ABCA1: variants seen among roughly 807,000 people sequenced by gnomAD.
ABCA1 encodes the protein ATP binding cassette subfamily A member 1.
In ABCA1, 133 loss-of-function variants were observed where a neutral mutation model predicts 262.5. That is an observed-to-expected ratio of 0.51 (90% CI 0.44 to 0.59). The LOEUF (loss-of-function observed/expected upper bound fraction) is 0.59. Among genes scored for constraint, ABCA1 ranks in the 20% least tolerant of loss-of-function variants. ABCA1 has a pLI of 0.00. For missense variants in ABCA1, 2,452 were observed against 2,777.5 expected (o/e 0.88, Z 2.63); for synonymous variants, 1,022 against 1,043.5 (o/e 0.98, Z 0.40).
intron 9 of ABCA1, among the ~76,000 whole-genome samples, chr9:104,839,948 A>G (rs1019845556): frequency 6.6e-6 from 1 of 152,242 alleles, no homozygotes; most frequent in African/African-American, 2.4e-5. Context: ...GAGATCTTGC[A>G]GGATTTGTCC....
intron 1 of ABCA1, among the ~76,000 whole-genome samples, chr9:104,914,699 T>G (rs766735742): frequency 6.6e-6 from 1 of 152,026 alleles, no homozygotes; most frequent in South Asian, 2.1e-4. Context: ...CAATCACATG[T>G]AGAATGGAAG....
At chr9:104,896,976 C>CA (rs977807689) in intron 2 of ABCA1, among the ~76,000 whole-genome samples, 1 of 151,780 alleles carries the variant, frequency 6.6e-6, no homozygotes, top group African/African-American at 2.4e-5. Context: ...GCAATCCCCC[C>CA]ACCTCAGCCT....
chr9:104,786,940 G>T lies in ABCA1; in HGVS notation c.6241C>A (p.Arg2081=). ...PTTGMDPKAR[R]FLWNCALSVV... is the part of the protein sequence containing the mutation. ...CTTAGGGCACAATTCCACAAGAACC[G>T]CCGGGCTTTGGGATCCATGCCTGTG... is the stretch of plus-strand genomic sequence containing the variant. Residue 2081 remains arginine (R), a synonymous_variant, in exon 47 of 50, where the codon CGG becomes AGG. Transcript: ENST00000374736. 2 of 1,613,960 alleles carry T rather than the reference G, an allele frequency of 1.2e-6. No homozygotes were observed. Among genetic ancestry groups the T allele is most frequent in the South Asian group, 2.2e-5 (2 of 91,074 alleles).
At chr9:104,806,084 G>A (rs569543671) in intron 31 of ABCA1, among the ~76,000 whole-genome samples, 157 bp downstream of exon 31, 5 of 151,948 alleles carry the variant, frequency 3.3e-5, no homozygotes, top group East Asian at 1.9e-4. Flanking sequence ...CAGCCTGGGC[G>A]ACAGAGCAAG....
chr9:104,832,534 C>A (rs1254547174), intron 12 of ABCA1, 40 bp downstream of exon 12: 1 of 1,601,414 alleles, frequency 6.2e-7, no homozygotes, highest in Non-Finnish European at 8.6e-7. Context: ...GAGAAAGAAG[C>A]CGTTAAGTCT....
intron 20 of ABCA1, among the ~76,000 whole-genome samples, chr9:104,820,457 A>G (rs1564128755): frequency 6.6e-6 from 1 of 152,098 alleles, no homozygotes; most frequent in Non-Finnish European, 1.5e-5. Flanking sequence ...AGGGGACCTC[A>G]GGCTCTGAAA....
At chr9:104,883,333 TC>T (rs1838855898) in intron 4 of ABCA1, among the ~76,000 whole-genome samples, 176 bp from the exon 5 acceptor site, 1 of 150,654 alleles carries the variant, frequency 6.6e-6, no homozygotes, top group Non-Finnish European at 1.5e-5. Context: ...CCATGTTCCC[TC>T]CCCCACCCAT....
chr9:104,795,760 T>G (rs1295955767), intron 39 of ABCA1, among the ~76,000 whole-genome samples: 1 of 151,908 alleles, frequency 6.6e-6, no homozygotes, highest in Non-Finnish European at 1.5e-5. Context: ...GTCGCCCAGC[T>G]CTCATGTGTA....
At chr9:104,786,209 T>C (rs1828916535) in intron 48 of ABCA1, 89 bp downstream of exon 48, 7 of 1,131,716 alleles carry the variant, frequency 6.2e-6, no homozygotes, top group Non-Finnish European at 8.0e-6. Flanking sequence ...TATTTCCCTT[T>C]ATGTTAGAGG....
chr9:104,840,218 A>C, intron 9 of ABCA1, 61 bp downstream of exon 9: 1 of 1,612,624 alleles, frequency 6.2e-7, no homozygotes, highest in Non-Finnish European at 8.5e-7. Flanking sequence ...ACACAGGCCA[A>C]GGCCAGAACT....
intron 5 of ABCA1, among the ~76,000 whole-genome samples, chr9:104,864,970 T>C (rs2119120665): frequency 6.6e-6 from 1 of 152,306 alleles, no homozygotes; most frequent in African/African-American, 2.4e-5. Context: ...TCAACAACCC[T>C]TGGCTGTGCA....
intron 2 of ABCA1, among the ~76,000 whole-genome samples, chr9:104,902,558 T>C (rs1840750220): frequency 6.6e-6 from 1 of 152,236 alleles, no homozygotes; most frequent in Non-Finnish European, 1.5e-5. Flanking sequence ...CTGCACTTAA[T>C]TTGTAAATAT....
At chr9:104,842,119 G>A (rs986379922) in intron 8 of ABCA1, among the ~76,000 whole-genome samples, 1 of 152,146 alleles carries the variant, frequency 6.6e-6, no homozygotes, top group African/African-American at 2.4e-5. Context: ...TAGGTCCTAA[G>A]CTTTGCCTTC....
rs545678117 is a variant in ABCA1 at position 104,781,584 on chromosome 9, T to A, written c.*2731A>T. On this transcript the variant is annotated 3_prime_UTR_variant, in exon 50 of 50. Coordinates refer to ENST00000374736, the MANE Select transcript of ABCA1 (RefSeq NM_005502.4). The stretch of plus-strand genomic sequence containing the variant: ...TGAATGAATGATGTGCAACATTTAA[T>A]AGTCACAAAGCATTTGCTTTCAGTA... 6.6e-6 allele frequency: 1 copy of A among 152,650 alleles called. No homozygotes were observed. The highest frequency in any genetic ancestry group is 1.5e-5 in the Non-Finnish European group (1 of 68,014). 9.5% of individuals were successfully genotyped at this position (152,650 alleles called of 1,614,324 possible). A position where few individuals can be genotyped will look rare whatever the true frequency, so the allele number is the denominator to read the frequency against.
chr9:104,873,384 T>C (rs1374846625), intron 5 of ABCA1, among the ~76,000 whole-genome samples: 1 of 151,924 alleles, frequency 6.6e-6, no homozygotes, highest in African/African-American at 2.4e-5. Context: ...TGGCTGTGAG[T>C]CACAGGATGT....
intron 7 of ABCA1, among the ~76,000 whole-genome samples, chr9:104,857,305 T>C (rs1286123012): frequency 6.6e-6 from 1 of 151,940 alleles, no homozygotes; most frequent in Non-Finnish European, 1.5e-5. Context: ...AGATCTCAGC[T>C]CACTGCAGCC....
intron 18 of ABCA1, 152 bp downstream of exon 18, chr9:104,824,313 G>A: frequency 2.7e-6 from 4 of 1,465,290 alleles, no homozygotes; most frequent in African/African-American, 1.4e-5. Context: ...AATGGCATGG[G>A]AGGATTTGGA....
chr9:104,824,367 C>G, intron 18 of ABCA1, 98 bp downstream of exon 18: 1 of 1,575,228 alleles, frequency 6.3e-7, no homozygotes, highest in South Asian at 1.2e-5. Context: ...AGTGGTTTCA[C>G]AGTCTTTTAG....
At chr9:104,809,296 A>T (rs1308125513) in intron 30 of ABCA1, among the ~76,000 whole-genome samples, 170 bp downstream of exon 30, 1 of 152,266 alleles carries the variant, frequency 6.6e-6, no homozygotes, top group Non-Finnish European at 1.5e-5. Flanking sequence ...TTGTTCCTAG[A>T]TAATTTAGTT....
Sources: allele counts gnomAD v4.1 joint callset (sites outside exome capture counted in the v4.1 genomes callset), GRCh38; gene constraint gnomAD v4.1.1; transcripts MANE v1.5; gene names NCBI Gene and HGNC (gene_info 2026-07-23, HGNC 2026-07-21).